The following ACAP2 variants were observed in gnomAD, a reference collection of about 807,000 sequenced individuals.
The protein encoded by ACAP2 is arf-GAP with coiled-coil, ANK repeat and PH domain-containing protein 2.
Under a neutral mutation model 115.8 loss-of-function variants are expected in ACAP2, and 39 were observed. The ratio of observed to expected loss-of-function variants is 0.34; its 90% CI spans 0.26 to 0.44. The LOEUF (loss-of-function observed/expected upper bound fraction) is 0.44. ACAP2 is among the 20% of genes least tolerant of loss of function. The pLI, the probability that ACAP2 is intolerant of heterozygous loss-of-function variation, is 1.00. For missense variants in ACAP2, 662 were observed against 927.6 expected (o/e 0.71, Z 3.72); for synonymous variants, 289 against 315.8 (o/e 0.92, Z 0.90).
At chr3:195,349,068 CA>C (rs34943508) in intron 4 of ACAP2, among the ~76,000 whole-genome samples, 151,390 of 151,570 alleles carry the variant, frequency 1, 75,605 homozygotes, top group Middle Eastern at 1. Flanking sequence ...ATGGAACCTG[CA>C]AAAAAAAAAC....
chr3:195,277,631 G>C lies in ACAP2; in HGVS notation c.*1697C>G, dbSNP rs968994330. On this transcript the variant is annotated 3_prime_UTR_variant, in exon 23 of 23. Transcript: ENST00000326793. Reference sequence around the variant, plus strand: ...TGTTTAATCAACTTATAAAACCCTAGTGACTGGGAAATGTTAGAAAATTTA... The same window carrying C: ...TGTTTAATCAACTTATAAAACCCTACTGACTGGGAAATGTTAGAAAATTTA... 6.6e-6 allele frequency: 1 copy of C among 152,118 alleles called. No homozygotes were observed. Among genetic ancestry groups the C allele is most frequent in the Non-Finnish European group, 1.5e-5 (1 of 68,026 alleles). The allele number at this position is 152,118 out of a possible 1,614,324, so 9.4% of individuals were successfully genotyped here. A position where few individuals can be genotyped will look rare whatever the true frequency, so the allele number is the denominator to read the frequency against.
chr3:195,406,823 C>A (rs1359033686), intron 1 of ACAP2, among the ~76,000 whole-genome samples: 1 of 152,174 alleles, frequency 6.6e-6, no homozygotes, highest in African/African-American at 2.4e-5. Context: ...CGTAAGTATA[C>A]ACTTCCAAGG....
chr3:195,343,662 C>T (rs1310962703), intron 5 of ACAP2, among the ~76,000 whole-genome samples: 2 of 152,138 alleles, frequency 1.3e-5, no homozygotes, highest in African/African-American at 2.4e-5. Flanking sequence ...CTGAAAGAAT[C>T]GTTACATCAG....
At chr3:195,292,099 A>C (rs1423148896) in intron 19 of ACAP2, among the ~76,000 whole-genome samples, 166 bp downstream of exon 19, 1 of 152,256 alleles carries the variant, frequency 6.6e-6, no homozygotes, top group Non-Finnish European at 1.5e-5. Flanking sequence ...AACTTGAAAC[A>C]ACCGAAGTGG....
chr3:195,426,590 G>A (rs919991081), intron 1 of ACAP2, among the ~76,000 whole-genome samples: 3 of 152,064 alleles, frequency 2.0e-5, no homozygotes, highest in African/African-American at 7.2e-5. Context: ...CAGAATATAC[G>A]ATGCAGTCTT....
intron 1 of ACAP2, among the ~76,000 whole-genome samples, chr3:195,417,407 A>T (rs918477485): frequency 6.6e-6 from 1 of 152,140 alleles, no homozygotes; most frequent in African/African-American, 2.4e-5. Flanking sequence ...AAATCTAGAC[A>T]TCATCCTGAA....
chr3:195,341,730 C>CTAAG lies in ACAP2; in HGVS notation c.528+740_528+741insCTTA, dbSNP rs1392855273. Reference sequence around the variant, plus strand: ...GGTGAACCTTAGTACCTCTAAGAATCTAATCTAAAGAAATAAGAAGTGTAA... The same window carrying CTAAG: ...GGTGAACCTTAGTACCTCTAAGAATCTAAGTAATCTAAAGAAATAAGAAGTGTAA... On this transcript the variant is annotated intron_variant, in intron 6 of 22. Coordinates refer to ENST00000326793, the MANE Select transcript of ACAP2 (RefSeq NM_012287.6). Among the ~76,000 whole-genome samples, 5 of 152,232 alleles carry CTAAG rather than the reference C, an allele frequency of 3.3e-5. No homozygotes were observed. In the East Asian group the frequency reaches 9.6e-4, roughly 29 times the overall value.
chr3:195,295,666 T>C lies in ACAP2; in HGVS notation c.1672+42A>G, dbSNP rs781301965. 3 of 1,606,322 alleles carry C rather than the reference T, an allele frequency of 1.9e-6. No homozygotes were observed. The South Asian group carries it at 3.3e-5, about 18-fold the overall frequency. On this transcript the variant is annotated intron_variant, in intron 17 of 22. Coordinates refer to ENST00000326793, the MANE Select transcript of ACAP2 (RefSeq NM_012287.6). ...CAGGGATTATAAAAGTGATTTGAGC[T>C]TAAGAAAATAGCTATAGACACAGTA...
chr3:195,333,856 G>A (rs1374246208), intron 7 of ACAP2, among the ~76,000 whole-genome samples: 1 of 152,154 alleles, frequency 6.6e-6, no homozygotes, highest in Non-Finnish European at 1.5e-5. Context: ...ATCTACGAGA[G>A]CACAAGCATA....
chr3:195,329,045 A>C (rs1729997377), intron 8 of ACAP2, among the ~76,000 whole-genome samples: 1 of 149,106 alleles, frequency 6.7e-6, no homozygotes, highest in Non-Finnish European at 1.5e-5. Flanking sequence ...ACGCCACTGT[A>C]CTCCAGCCTG....
In ACAP2 at chr3:195,277,010, T is replaced by C. The variant is rs1200481936; in HGVS notation, c.*2318A>G. 1 of 152,222 alleles carries C rather than the reference T, an allele frequency of 6.6e-6. No individual in the cohort carries two copies. The highest frequency in any genetic ancestry group is 1.5e-5 in the Non-Finnish European group (1 of 68,030). 9.4% of individuals were successfully genotyped at this position (152,222 alleles called of 1,614,324 possible). A position where few individuals can be genotyped will look rare whatever the true frequency, so the allele number is the denominator to read the frequency against. ...CTGACCACTAAATTTAAGTAGATAC[T>C]AATTAATTACTGCCATATTAACAAT... On this transcript the variant is annotated 3_prime_UTR_variant, in exon 23 of 23. Coordinates refer to ENST00000326793, the MANE Select transcript of ACAP2 (RefSeq NM_012287.6).
chr3:195,295,267 T>C (rs1305150726), intron 17 of ACAP2: 10 of 1,291,322 alleles, frequency 7.7e-6, no homozygotes, highest in Non-Finnish European at 1.0e-5. Flanking sequence ...AAACAGAGAC[T>C]CCCGCCTGGC....
At chr3:195,431,026 C>T (rs765693943) in intron 1 of ACAP2, among the ~76,000 whole-genome samples, 4 of 152,152 alleles carry the variant, frequency 2.6e-5, no homozygotes, top group African/African-American at 7.2e-5. Context: ...ACCCCATATC[C>T]GTTAGCAACC....
chr3:195,414,412 G>T (rs540057899), intron 1 of ACAP2, among the ~76,000 whole-genome samples: 1 of 152,010 alleles, frequency 6.6e-6, no homozygotes. Context: ...CCCAGCCTAC[G>T]AAATACATTC....
intron 17 of ACAP2, chr3:195,295,122 CAT>C: frequency 1.1e-5 from 9 of 788,688 alleles, no homozygotes; most frequent in Non-Finnish European, 1.7e-5. Flanking sequence ...CAATGGGTAA[CAT>C]CTAGAGAAAT....
intron 1 of ACAP2, among the ~76,000 whole-genome samples, chr3:195,420,622 C>T (rs1041158225): frequency 2.6e-5 from 4 of 151,202 alleles, no homozygotes; most frequent in Admixed American, 6.6e-5. Context: ...GAATTACAGG[C>T]GTGAGCCACT....
chr3:195,376,089 T>C (rs1166340805), intron 4 of ACAP2, among the ~76,000 whole-genome samples: 3 of 152,054 alleles, frequency 2.0e-5, no homozygotes, highest in Non-Finnish European at 4.4e-5. Flanking sequence ...TGTGTTCACA[T>C]CTTATAAAAA....
intron 22 of ACAP2, among the ~76,000 whole-genome samples, chr3:195,281,629 T>C (rs1209471756): frequency 1.3e-5 from 2 of 152,178 alleles, no homozygotes; most frequent in Admixed American, 6.5e-5. Context: ...CTAACTCATA[T>C]TGACATGACT....
chr3:195,341,906 C>T (rs924660024), intron 6 of ACAP2, among the ~76,000 whole-genome samples: 7 of 152,058 alleles, frequency 4.6e-5, no homozygotes, highest in Non-Finnish European at 7.4e-5. Context: ...AACCAAATGC[C>T]GTGTGTTGTC....
Sources: gnomAD v4.1 joint callset for allele counts (sites outside exome capture counted in the v4.1 genomes callset) on GRCh38, gnomAD v4.1.1 for gene constraint, MANE v1.5 for transcripts, NCBI Gene and HGNC (gene_info 2026-07-23, HGNC 2026-07-21) for gene names.